MAD1L1: variants seen among roughly 807,000 people sequenced by gnomAD.
MAD1L1 encodes mitotic arrest deficient 1 like 1.
Under a neutral mutation model 96.9 loss-of-function variants are expected in MAD1L1, and 95 were observed. The ratio of observed to expected loss-of-function variants is 0.98; its 90% CI spans 0.83 to 1.16. The LOEUF (loss-of-function observed/expected upper bound fraction) is 1.16, where lower values mean the gene tolerates loss of function less well. MAD1L1 is among the 50% of genes most tolerant of loss of function. The pLI, the probability that MAD1L1 is intolerant of heterozygous loss-of-function variation, is 0.00. For missense variants in MAD1L1, 1,007 were observed against 954.4 expected, an observed-to-expected ratio of 1.06 and a Z score of -0.73; for synonymous variants, 473 against 396.6, an observed-to-expected ratio of 1.19 and a Z score of -2.29.
intron 12 of MAD1L1, among the ~76,000 whole-genome samples, chr7:2,045,977 G>A (rs946833270): frequency 2.0e-5 from 3 of 152,232 alleles, no homozygotes; most frequent in African/African-American, 7.2e-5. Flanking sequence ...CTCCCTGAGG[G>A]CCTGCCCATG....
chr7:1,998,755 C>T (rs1035479502), intron 14 of MAD1L1, among the ~76,000 whole-genome samples: 17 of 151,716 alleles, frequency 1.1e-4, no homozygotes, highest in African/African-American at 3.6e-4. Flanking sequence ...GCCAAGCCCC[C>T]ACACAGGCAG....
chr7:2,185,159 C>T (rs1328358251), intron 10 of MAD1L1, among the ~76,000 whole-genome samples: 1 of 151,800 alleles, frequency 6.6e-6, no homozygotes, highest in Non-Finnish European at 1.5e-5. Flanking sequence ...GGTGATTGCT[C>T]GGAGAATCTC....
At chr7:2,043,903 C>T (rs1343285792) in intron 12 of MAD1L1, among the ~76,000 whole-genome samples, 1 of 152,258 alleles carries the variant, frequency 6.6e-6, no homozygotes, top group Non-Finnish European at 1.5e-5. Flanking sequence ...CGTGGCAGAC[C>T]TCACCGTGCA....
At chr7:2,154,362 G>A (rs1417365374) in intron 10 of MAD1L1, among the ~76,000 whole-genome samples, 1 of 152,204 alleles carries the variant, frequency 6.6e-6, no homozygotes, top group Non-Finnish European at 1.5e-5. Flanking sequence ...CAGATGAAGA[G>A]AGTTGAGTTA....
chr7:2,120,358 G>GCAGCAGCCTCTGCCTCCA (rs1787916401), intron 11 of MAD1L1, among the ~76,000 whole-genome samples: 1 of 152,232 alleles, frequency 6.6e-6, no homozygotes, highest in Non-Finnish European at 1.5e-5. Context: ...AGGCTGCGCT[G>GCAGCAGCCTCTGCCTCCA]CAGCAGCCTC....
chr7:2,217,465 A>G (rs911170272), intron 7 of MAD1L1, among the ~76,000 whole-genome samples: 5 of 152,196 alleles, frequency 3.3e-5, no homozygotes, highest in Non-Finnish European at 7.3e-5. Flanking sequence ...GTGAGGGTGC[A>G]TAAGGGCTGA....
intron 10 of MAD1L1, among the ~76,000 whole-genome samples, chr7:2,194,212 A>G (rs1791875085): frequency 6.6e-6 from 1 of 152,054 alleles, no homozygotes; most frequent in Admixed American, 6.5e-5. Flanking sequence ...CTACCACCTC[A>G]GCCTCCCAAA....
rs570613905 is a variant in MAD1L1, at chr7:2,216,144, C to G, written c.809+13G>C. 1.2e-6 allele frequency: 2 copies of G among 1,611,308 alleles called. No individual in the cohort carries two copies. The highest frequency in any genetic ancestry group is 1.7e-6 in the Non-Finnish European group (2 of 1,179,300). On this transcript the variant is annotated intron_variant, in intron 8 of 18. Coordinates refer to ENST00000265854, the MANE Select transcript of MAD1L1 (RefSeq NM_001013836.2). The stretch of plus-strand genomic sequence containing the variant: ...CACTCGAGGCGGCTGCCCCATCCCC[C>G]GCAACCCCTCACCGCAGGTGCGCGC...
intron 12 of MAD1L1, among the ~76,000 whole-genome samples, chr7:2,043,653 G>C (rs183443413): frequency 1.1e-3 from 174 of 152,292 alleles, no homozygotes; most frequent in African/African-American, 4.0e-3. Flanking sequence ...GGGGGGCTGG[G>C]GATCCAGACT....
intron 18 of MAD1L1, among the ~76,000 whole-genome samples, chr7:1,865,324 C>T (rs1309711028): frequency 6.6e-6 from 1 of 152,166 alleles, no homozygotes; most frequent in African/African-American, 2.4e-5. Flanking sequence ...CTGCCTGTCC[C>T]TTGAGTCAAA....
intron 10 of MAD1L1, among the ~76,000 whole-genome samples, chr7:2,158,761 C>A (rs1380659351): frequency 1.3e-5 from 2 of 151,714 alleles, no homozygotes; most frequent in African/African-American, 4.9e-5. Context: ...CCCCAGAACA[C>A]GGGAGGAGCA....
chr7:2,010,601 G>C (rs1484604784), intron 13 of MAD1L1, among the ~76,000 whole-genome samples: 1 of 152,210 alleles, frequency 6.6e-6, no homozygotes, highest in African/African-American at 2.4e-5. Flanking sequence ...AACTTCACCA[G>C]ACGGGTCTGG....
At chr7:1,861,129 CA>C (rs1784524173) in intron 18 of MAD1L1, among the ~76,000 whole-genome samples, 1 of 152,202 alleles carries the variant, frequency 6.6e-6, no homozygotes, top group African/African-American at 2.4e-5. Context: ...CAACTGCCTC[CA>C]TATTCAAACC....
At chr7:2,175,667 G>C (rs908102262) in intron 10 of MAD1L1, among the ~76,000 whole-genome samples, 1 of 152,082 alleles carries the variant, frequency 6.6e-6, no homozygotes, top group Non-Finnish European at 1.5e-5. Flanking sequence ...ACATTCCTCA[G>C]GCTTGTTGAA....
Position 1,896,058 on chromosome 7 carries a change from G to A in MAD1L1, c.1998+2142C>T, listed in dbSNP as rs1321353891. ...TCAGGGCGAGCCCGGCCTCCCGTACGCTGTGTGTCCTTTAGGCCTGGGGCG... is the reference window on the plus strand; with the variant it reads ...TCAGGGCGAGCCCGGCCTCCCGTACACTGTGTGTCCTTTAGGCCTGGGGCG... On this transcript the variant is annotated intron_variant, in intron 18 of 18. Transcript: ENST00000265854. Among the ~76,000 whole-genome samples, 3 of 152,222 alleles carry A rather than the reference G, an allele frequency of 2.0e-5. No homozygotes were observed. The South Asian group carries it at 6.2e-4, about 31-fold the overall frequency.
intron 13 of MAD1L1, 83 bp from the exon 14 acceptor site, chr7:2,002,204 A>C (rs1584043368): frequency 7.5e-7 from 1 of 1,339,854 alleles, no homozygotes. Context: ...AACCCCCACC[A>C]CCCCGCAGCC....
chr7:1,921,206 G>A (rs140056693), intron 17 of MAD1L1, among the ~76,000 whole-genome samples: 143 of 152,340 alleles, frequency 9.4e-4, no homozygotes, highest in African/African-American at 3.0e-3. Flanking sequence ...TCCCTGCTCA[G>A]ACACAGACGC....
chr7:2,220,813 G>A (rs535845710), intron 5 of MAD1L1: 7 of 1,418,538 alleles, frequency 4.9e-6, no homozygotes, highest in East Asian at 4.8e-5. Flanking sequence ...CAACAAAGAA[G>A]AAAGGTATTA....
intron 11 of MAD1L1, among the ~76,000 whole-genome samples, chr7:2,105,130 C>T (rs1030993586): frequency 3.9e-5 from 6 of 152,156 alleles, no homozygotes; most frequent in Non-Finnish European, 7.3e-5. Context: ...GCCTCTGCAG[C>T]CCGGGAGAGC....
Sources: allele counts gnomAD v4.1 joint callset (sites outside exome capture counted in the v4.1 genomes callset), GRCh38; gene constraint gnomAD v4.1.1; transcripts MANE v1.5; gene names NCBI Gene and HGNC (gene_info 2026-07-23, HGNC 2026-07-21).